Variants in ZNF652 observed in about 807,000 individuals in gnomAD.
ZNF652 encodes zinc finger protein 652.
ZNF652 carries 16 observed loss-of-function variants against 45.2 expected under a neutral mutation model. The ratio of observed to expected loss-of-function variants is 0.35; its 90% CI spans 0.24 to 0.54. The LOEUF is 0.54. ZNF652 is among the 20% of genes least tolerant of loss of function. ZNF652 has a pLI of 0.91. For missense variants in ZNF652, 614 were observed against 765.6 expected (o/e 0.80, Z 2.34); for synonymous variants, 250 against 260.6 (o/e 0.96, Z 0.39).
At chr17:49,304,509 T>C in intron 5 of ZNF652, among the ~76,000 whole-genome samples, 1 of 152,076 alleles carries the variant, frequency 6.6e-6, no homozygotes, top group Non-Finnish European at 1.5e-5. Flanking sequence ...CAAGGATAAA[T>C]ACAAATGTAA....
chr17:49,326,427 C>G (rs2069957519), intron 1 of ZNF652, among the ~76,000 whole-genome samples: 1 of 152,042 alleles, frequency 6.6e-6, no homozygotes, highest in Admixed American at 6.6e-5. Flanking sequence ...TTTGGGTTCT[C>G]AAGTGTCAAT....
At position 49,324,799 on chromosome 17, in the gene ZNF652, G is replaced by A. The variant is rs186857158; in HGVS notation, c.-258-6816C>T. On this transcript the variant is annotated intron_variant, in intron 1 of 5. Coordinates refer to ENST00000430262, the MANE Select transcript of ZNF652 (RefSeq NM_001145365.3). ...CTTGTCACCCAAGCTGGAGTGCAGT[G>A]GTGCGACCTCAGCTCACTGCAACCT... 6.6e-4 allele frequency among the ~76,000 whole-genome samples: 91 copies of A among 137,118 alleles called. 1 individual carries two copies. The Middle Eastern group carries it at 0.019, about 29-fold the overall frequency. The allele number at this position is 137,118 out of a possible 152,430, so 90.0% of individuals were successfully genotyped here.
intron 1 of ZNF652, among the ~76,000 whole-genome samples, chr17:49,360,033 A>G (rs1318505032): frequency 6.6e-6 from 1 of 152,188 alleles, no homozygotes; most frequent in African/African-American, 2.4e-5. Context: ...TGGTGCCAGG[A>G]ACATACATTA....
chr17:49,290,442 C>T lies in ZNF652; in HGVS notation c.*7971G>A, dbSNP rs1466450490. ...CGTTGCACTGGTCAGGAGGAAGTGC[C>T]TGACCTAGAGGACTTGTTCCCTGAT... On this transcript the variant is annotated 3_prime_UTR_variant, in exon 6 of 6. Transcript: ENST00000430262. The T allele has an allele frequency of 3.3e-5, 5 of 152,200 alleles. No individual in the cohort carries two copies. The highest frequency in any genetic ancestry group is 3.3e-4 in the Admixed American group (5 of 15,274). 9.4% of individuals were successfully genotyped at this position (152,200 alleles called of 1,614,324 possible). A position where few individuals can be genotyped will look rare whatever the true frequency, so the allele number is the denominator to read the frequency against.
At position 49,348,484 on chromosome 17, in the gene ZNF652, G is replaced by GAAAAGAAAAGAAAAGAAAAGAAAAGAA. The variant is rs1468308298; in HGVS notation, c.-259+13398_-259+13424dup. The stretch of plus-strand genomic sequence containing the variant: ...CAGAGCAAGACCTTGCCTCAAAAAA[G>GAAAAGAAAAGAAAAGAAAAGAAAAGAA]AAAAGAAAAGAAAAGAAAAGAAAAG... On this transcript the variant is annotated intron_variant, in intron 1 of 5. Coordinates refer to ENST00000430262, the MANE Select transcript of ZNF652 (RefSeq NM_001145365.3). Among the ~76,000 whole-genome samples the GAAAAGAAAAGAAAAGAAAAGAAAAGAA allele has an allele frequency of 9.1e-3, 186 of 20,454 alleles. 5 individuals carry two copies. Among genetic ancestry groups the GAAAAGAAAAGAAAAGAAAAGAAAAGAA allele is most frequent in the East Asian group, 0.06 (58 of 970 alleles). The allele number at this position is 20,454 out of a possible 152,430, so 13.4% of individuals were successfully genotyped here.
At chr17:49,324,734 CTTTTTT>C (rs1185007907) in intron 1 of ZNF652, among the ~76,000 whole-genome samples, 1 of 96,222 alleles carries the variant, frequency 1.0e-5, no homozygotes, top group Non-Finnish European at 2.0e-5. Context: ...TGGGGTAGCA[CTTTTTT>C]TTTTTTTTTT....
intron 1 of ZNF652, among the ~76,000 whole-genome samples, chr17:49,348,226 C>T (rs11656535): frequency 0.073 from 11,047 of 151,954 alleles, 469 homozygotes; most frequent in Middle Eastern, 0.14. Context: ...CGCATGGTGG[C>T]GTATGTCTAA....
chr17:49,309,477 CA>C (rs2069678984), intron 5 of ZNF652, among the ~76,000 whole-genome samples: 1 of 149,250 alleles, frequency 6.7e-6, no homozygotes, highest in Non-Finnish European at 1.5e-5. Context: ...CCACTGCACT[CA>C]GTCTGGGTGA....
At chr17:49,315,043 T>G (rs1194070952) in intron 2 of ZNF652, among the ~76,000 whole-genome samples, 2 of 73,436 alleles carry the variant, frequency 2.7e-5, no homozygotes, top group South Asian at 5.5e-4. Context: ...TTTTAGTTTG[T>G]TTTTTTTTTT....
chr17:49,298,827 A>G lies in ZNF652; in HGVS notation c.1407T>C (p.Tyr469=). Residue 469 remains tyrosine, a synonymous_variant, in exon 6 of 6, where the codon TAT becomes TAC. Coordinates refer to ENST00000430262, the MANE Select transcript of ZNF652 (RefSeq NM_001145365.3). ...ACCGCTGGCCACACACATCACATGG[A>G]TAGGGCTTCTCGCCTGTGTGAGTTC... ...HRRTHTGEKP[Y]PCDVCGQRFR... The G allele has an allele frequency of 6.2e-7, 1 of 1,614,058 alleles. No individual in the cohort carries two copies. The highest frequency in any genetic ancestry group is 1.1e-5 in the South Asian group (1 of 91,072).
rs372720324 is a variant in ZNF652, at chr17:49,350,970, C to CATAT, written c.-259+10935_-259+10938dup. On this transcript the variant is annotated intron_variant, in intron 1 of 5. Coordinates refer to ENST00000430262, the MANE Select transcript of ZNF652 (RefSeq NM_001145365.3). ...GGGTGACAGAGCAAGACTCTGTCTA[C>CATAT]ATATATATATATATATATATATATA... Among the ~76,000 whole-genome samples the CATAT allele has an allele frequency of 4.6e-3, 191 of 41,948 alleles. 3 individuals carry two copies. The highest frequency in any genetic ancestry group is 0.017 in the Middle Eastern group (2 of 118). 27.5% of individuals were successfully genotyped at this position (41,948 alleles called of 152,430 possible). A position where few individuals can be genotyped will look rare whatever the true frequency, so the allele number is the denominator to read the frequency against.
rs1435332628 is a variant in ZNF652 at position 49,317,564 on chromosome 17, T to C, written c.162A>G (p.Glu54=). ...CTAACACAGAATAAGGACTTCCTGA[T>C]TCCCTTTTGTACACTTTGGTGGACA... ...LDLSTKVYKR[E]SGSPYSVLVD... The change falls in exon 2 of 6, where the codon GAA becomes GAG. Residue 54 remains glutamate, a synonymous_variant. Coordinates refer to ENST00000430262, the MANE Select transcript of ZNF652 (RefSeq NM_001145365.3). 6.2e-7 allele frequency: 1 copy of C among 1,614,144 alleles called. No individual in the cohort carries two copies. The highest frequency in any genetic ancestry group is 1.7e-5 in the Admixed American group (1 of 60,020).
At chr17:49,335,714 T>C (rs1001502852) in intron 1 of ZNF652, among the ~76,000 whole-genome samples, 8 of 152,286 alleles carry the variant, frequency 5.3e-5, no homozygotes, top group African/African-American at 1.9e-4. Context: ...AACACAAAAA[T>C]TAGCTTATGA....
Position 49,312,904 on chromosome 17 carries a change from A to G in ZNF652, c.901-59T>C. 3 of 1,545,634 alleles carry G rather than the reference A, an allele frequency of 1.9e-6. No homozygotes were observed. The South Asian group carries it at 3.6e-5, about 19-fold the overall frequency. On this transcript the variant is annotated intron_variant, in intron 2 of 5. Coordinates refer to ENST00000430262, the MANE Select transcript of ZNF652 (RefSeq NM_001145365.3). ...GGCTTACAGCATGCCATACCAGCCT[A>G]CTGGCAGACCAAACGGATGTGCTTT... is the stretch of plus-strand genomic sequence containing the variant.
At chr17:49,338,026 C>A (rs895414753) in intron 1 of ZNF652, among the ~76,000 whole-genome samples, 1 of 152,096 alleles carries the variant, frequency 6.6e-6, no homozygotes, top group Non-Finnish European at 1.5e-5. Context: ...CTCACTCCAA[C>A]GCTCAGGCTG....
chr17:49,292,968 G>C lies in ZNF652; in HGVS notation c.*5445C>G, dbSNP rs962490457. ...AGAGGTAGGATTTAGATCAGGAAAA[G>C]AATGTTCCAGGATGCTGGCATTTTG... On this transcript the variant is annotated 3_prime_UTR_variant, in exon 6 of 6. Transcript: ENST00000430262. 5.3e-5 allele frequency among the ~76,000 whole-genome samples: 8 copies of C among 152,256 alleles called. No homozygotes were observed. Among genetic ancestry groups the C allele is most frequent in the Admixed American group, 5.2e-4 (8 of 15,290 alleles).
intron 1 of ZNF652, among the ~76,000 whole-genome samples, chr17:49,339,747 C>T (rs149979243): frequency 6.6e-6 from 1 of 152,318 alleles, no homozygotes; most frequent in Non-Finnish European, 1.5e-5. Context: ...TTTGCATCTT[C>T]ACAGAGCTGC....
In ZNF652 at chr17:49,351,001, A is replaced by G. The variant is rs1351922817; in HGVS notation, c.-259+10908T>C. Among the ~76,000 whole-genome samples, 27 of 20,612 alleles carry G rather than the reference A, an allele frequency of 1.3e-3. 1 individual carries two copies. Among genetic ancestry groups the G allele is most frequent in the South Asian group, 7.0e-3 (8 of 1,136 alleles). The allele number at this position is 20,612 out of a possible 152,430, so 13.5% of individuals were successfully genotyped here. ...TATATATATATATATATATATATAT[A>G]TATATATATATATACACACACACAC... On this transcript the variant is annotated intron_variant, in intron 1 of 5. Transcript: ENST00000430262.
Position 49,291,157 on chromosome 17 carries a change from TC to T in ZNF652, c.*7255del, listed in dbSNP as rs2069400027. The T allele has an allele frequency of 2.0e-5, 3 of 152,316 alleles. No homozygotes were observed. Among genetic ancestry groups the T allele is most frequent in the Admixed American group, 2.0e-4 (3 of 15,294 alleles). 9.4% of individuals were successfully genotyped at this position (152,316 alleles called of 1,614,324 possible). A position where few individuals can be genotyped will look rare whatever the true frequency, so the allele number is the denominator to read the frequency against. On this transcript the variant is annotated 3_prime_UTR_variant, in exon 6 of 6. Transcript: ENST00000430262. The stretch of plus-strand genomic sequence containing the variant: ...AGATATTTCTAGGAGGGTTAGGAGC[TC>T]TAGCAGAATAAAATACTTCCCACCA...
Sources: allele counts gnomAD v4.1 joint callset (sites outside exome capture counted in the v4.1 genomes callset), GRCh38; gene constraint gnomAD v4.1.1; transcripts MANE v1.5; gene names NCBI Gene and HGNC (gene_info 2026-07-23, HGNC 2026-07-21).